Variants in PPIH observed in about 807,000 individuals in gnomAD.
PPIH encodes the protein peptidyl-prolyl cis-trans isomerase H.
A neutral mutation model predicts 27.6 loss-of-function variants in PPIH; 16 were observed. The ratio of observed to expected loss-of-function variants is 0.58; its 90% CI spans 0.39 to 0.88. The LOEUF (loss-of-function observed/expected upper bound fraction) is 0.88. PPIH is among the 40% of genes least tolerant of loss of function. PPIH has a pLI of 0.00. For missense variants in PPIH, 155 were observed against 224.1 expected, an observed-to-expected ratio of 0.69 and a Z score of 1.97; for synonymous variants, 63 against 76.1, an observed-to-expected ratio of 0.83 and a Z score of 0.90.
intron 6 of PPIH, 72 bp from the exon 7 acceptor site, chr1:42,665,908 T>C: frequency 8.1e-7 from 1 of 1,233,276 alleles, no homozygotes; most frequent in Admixed American, 1.7e-5. Context: ...TGTTACAAGC[T>C]CTTTTGGAAA....
At chr1:42,672,214 C>G (rs574306816) in intron 9 of PPIH, among the ~76,000 whole-genome samples, 1 of 152,104 alleles carries the variant, frequency 6.6e-6, no homozygotes, top group Non-Finnish European at 1.5e-5. Flanking sequence ...AACGTTCATA[C>G]GGATCTCCAG....
downstream of PPIH, chr1:42,678,790 T>C (rs7556150): frequency 0.051 from 7,770 of 152,262 alleles, 296 homozygotes; most frequent in African/African-American, 0.098. Context: ...AAATAAATAT[T>C]TGTTGCATGA....
intron 9 of PPIH, among the ~76,000 whole-genome samples, chr1:42,673,427 G>A (rs1557520925): frequency 1.3e-5 from 2 of 152,290 alleles, no homozygotes; most frequent in East Asian, 1.9e-4. Flanking sequence ...TTGAAAGCCC[G>A]AGTTCTGGCA....
chr1:42,667,271 T>C, intron 8 of PPIH, 80 bp from the exon 9 acceptor site: 1 of 1,285,478 alleles, frequency 7.8e-7, no homozygotes. Context: ...AGCACAGGGC[T>C]GGCAGGCATC....
intron 9 of PPIH, among the ~76,000 whole-genome samples, chr1:42,675,709 G>T (rs1649846718): frequency 6.6e-6 from 1 of 152,152 alleles, no homozygotes; most frequent in African/African-American, 2.4e-5. Context: ...ATAGTATCTG[G>T]GTGTACTTAC....
intron 7 of PPIH, 53 bp from the exon 8 acceptor site, chr1:42,666,494 C>A: frequency 6.4e-7 from 1 of 1,564,596 alleles, no homozygotes; most frequent in Non-Finnish European, 8.8e-7. Context: ...GCTTTGGAAG[C>A]TGGAAAATGC....
chr1:42,660,849 C>T lies in PPIH; in HGVS notation c.201-13C>T, dbSNP rs1407770546. On this transcript the variant is annotated splice_polypyrimidine_tract_variant and intron_variant, in intron 4 of 9. Coordinates refer to ENST00000304979, the MANE Select transcript of PPIH (RefSeq NM_006347.4). ...CATAAAATCTTCTCAGTATTCTTTGCTCTCTGTTTCAGGGTCATAAAGGAT... is the reference window on the plus strand; with the variant it reads ...CATAAAATCTTCTCAGTATTCTTTGTTCTCTGTTTCAGGGTCATAAAGGAT... 1.9e-6 allele frequency: 3 copies of T among 1,591,880 alleles called. No homozygotes were observed.
chr1:42,677,233 G>C (rs1382948057), downstream of PPIH, among the ~76,000 whole-genome samples: 2 of 152,182 alleles, frequency 1.3e-5, no homozygotes, highest in Non-Finnish European at 2.9e-5. Flanking sequence ...CAGCACTTGG[G>C]GAGGCCAAGG....
chr1:42,670,834 C>T (rs1021168547), intron 9 of PPIH, among the ~76,000 whole-genome samples: 13 of 152,096 alleles, frequency 8.5e-5, no homozygotes, highest in Non-Finnish European at 1.6e-4. Context: ...CTCGCTCTGT[C>T]GCCCAGGCTG....
chr1:42,659,608 T>C, intron 4 of PPIH, 42 bp downstream of exon 4: 2 of 1,593,490 alleles, frequency 1.3e-6, no homozygotes, highest in Non-Finnish European at 1.7e-6. Context: ...TTCAGAAATA[T>C]TTCCTGGGGG....
In PPIH at chr1:42,659,504, C is replaced by G. The variant is rs756909534; in HGVS notation, c.156-18C>G. 9 of 1,613,972 alleles carry G rather than the reference C, an allele frequency of 5.6e-6. No individual in the cohort carries two copies. The highest frequency in any genetic ancestry group is 6.8e-6 in the Non-Finnish European group (8 of 1,180,048). On this transcript the variant is annotated intron_variant, in intron 3 of 9. Transcript: ENST00000304979. ...TGCTACCTGCTGTCACTCCAAGTCT[C>G]TTTCTTTTCGGTTATAGGAAAGATG... is the stretch of plus-strand genomic sequence containing the variant.
At position 42,660,853 on chromosome 1, in the gene PPIH, CTGTT is replaced by C. The variant is rs763498043; in HGVS notation, c.201-7_201-4del. 2 of 1,595,388 alleles carry C rather than the reference CTGTT, an allele frequency of 1.3e-6. No individual in the cohort carries two copies. Among genetic ancestry groups the C allele is most frequent in the East Asian group, 2.3e-5 (1 of 44,338 alleles). Reference sequence around the variant, plus strand: ...AAATCTTCTCAGTATTCTTTGCTCTCTGTTTCAGGGTCATAAAGGATTTCATGAT... The same window carrying C: ...AAATCTTCTCAGTATTCTTTGCTCTCTCAGGGTCATAAAGGATTTCATGAT... On this transcript the variant is annotated splice_polypyrimidine_tract_variant and splice_region_variant and intron_variant, in intron 4 of 9. Coordinates refer to ENST00000304979, the MANE Select transcript of PPIH (RefSeq NM_006347.4).
chr1:42,665,266 G>T (rs1430665607), intron 6 of PPIH, among the ~76,000 whole-genome samples: 2 of 152,030 alleles, frequency 1.3e-5, no homozygotes, highest in Non-Finnish European at 2.9e-5. Flanking sequence ...TTAGCCAGGT[G>T]TGGTGGTGGG....
downstream of PPIH, among the ~76,000 whole-genome samples, chr1:42,678,438 C>T (rs1354783449): frequency 6.6e-6 from 1 of 152,166 alleles, no homozygotes; most frequent in African/African-American, 2.4e-5. Flanking sequence ...CTCACTCTGT[C>T]GCCCAGGCTG....
chr1:42,667,833 C>T (rs548900622), intron 9 of PPIH, among the ~76,000 whole-genome samples: 1 of 152,372 alleles, frequency 6.6e-6, no homozygotes, highest in African/African-American at 2.4e-5. Context: ...CCAGGCCAGG[C>T]AGCCAGGAGA....
chr1:42,663,294 TAA>T (rs1649145368), intron 5 of PPIH, among the ~76,000 whole-genome samples: 1 of 152,228 alleles, frequency 6.6e-6, no homozygotes, highest in South Asian at 2.1e-4. Context: ...ATGATAACTG[TAA>T]AGAGTAGGTA....
chr1:42,664,599 T>C (rs914987505), intron 5 of PPIH, among the ~76,000 whole-genome samples: 1 of 152,204 alleles, frequency 6.6e-6, no homozygotes, highest in African/African-American at 2.4e-5. Context: ...TGTCTGCATC[T>C]TAATTGATCG....
chr1:42,677,546 T>C (rs1649927186), downstream of PPIH, among the ~76,000 whole-genome samples: 1 of 152,194 alleles, frequency 6.6e-6, no homozygotes, highest in Non-Finnish European at 1.5e-5. Context: ...CTGTAGCTCC[T>C]GCCTATAATC....
chr1:42,671,565 T>C (rs1164582007), intron 9 of PPIH, among the ~76,000 whole-genome samples: 1 of 152,252 alleles, frequency 6.6e-6, no homozygotes, highest in Non-Finnish European at 1.5e-5. Context: ...CTGAATCTCG[T>C]AGCTAATACT....
Sources: allele counts gnomAD v4.1 joint callset (sites outside exome capture counted in the v4.1 genomes callset), GRCh38; gene constraint gnomAD v4.1.1; transcripts MANE v1.5; gene names NCBI Gene and HGNC (gene_info 2026-07-23, HGNC 2026-07-21).